The following GTF2F2 variants were observed in gnomAD, a reference collection of about 807,000 sequenced individuals.
GTF2F2 encodes the protein general transcription factor IIF subunit 2, also known as ATP-dependent helicase GTF2F2.
A neutral mutation model predicts 42.2 loss-of-function variants in GTF2F2; 23 were observed. The ratio of observed to expected loss-of-function variants is 0.55; its 90% confidence interval spans 0.39 to 0.77. The LOEUF (loss-of-function observed/expected upper bound fraction) is 0.77. Ranked by LOEUF, GTF2F2 falls within the 30% of genes least tolerant of loss-of-function variation. The probability of loss-of-function intolerance (pLI) is 0.00; values close to 1 mark genes in which losing one functional copy is unlikely to be tolerated. For missense variants in GTF2F2, 261 were observed against 287.2 expected, an observed-to-expected ratio of 0.91 and a Z score of 0.66; for synonymous variants, 105 against 100.8, an observed-to-expected ratio of 1.04 and a Z score of -0.25.
chr13:45,243,721 C>T (rs1875442987), intron 5 of GTF2F2, among the ~76,000 whole-genome samples: 1 of 152,106 alleles, frequency 6.6e-6, no homozygotes. Flanking sequence ...AGTGCAGTGG[C>T]ACAATCTTGG....
intron 7 of GTF2F2, among the ~76,000 whole-genome samples, chr13:45,278,041 T>C (rs993704868): frequency 1.3e-5 from 2 of 152,264 alleles, no homozygotes; most frequent in Admixed American, 1.3e-4. Context: ...TTTATTATTA[T>C]GCTTATCACT....
At chr13:45,222,087 C>T (rs989211537) in intron 5 of GTF2F2, among the ~76,000 whole-genome samples, 1 of 152,152 alleles carries the variant, frequency 6.6e-6, no homozygotes, top group Non-Finnish European at 1.5e-5. Context: ...TATGACATTA[C>T]TCAGGTTTAT....
At chr13:45,211,063 C>T (rs1031690977) in intron 5 of GTF2F2, among the ~76,000 whole-genome samples, 1 of 152,134 alleles carries the variant, frequency 6.6e-6, no homozygotes, top group African/African-American at 2.4e-5. Context: ...ATGGGAGATT[C>T]TTCTGGTTGG....
intron 5 of GTF2F2, among the ~76,000 whole-genome samples, chr13:45,243,952 C>A (rs961797910): frequency 2.4e-4 from 36 of 152,200 alleles, no homozygotes; most frequent in African/African-American, 8.4e-4. Context: ...TGAGCCACTG[C>A]GCCCTGCCAG....
Position 45,246,018 on chromosome 13 carries a change from T to A in GTF2F2, c.387-6853T>A, listed in dbSNP as rs553187005. Among the ~76,000 whole-genome samples the A allele has an allele frequency of 5.7e-3, 114 of 20,080 alleles. 1 individual carries two copies. Among genetic ancestry groups the A allele is most frequent in the African/African-American group, 0.024 (99 of 4,108 alleles). 13.2% of individuals were successfully genotyped at this position (20,080 alleles called of 152,430 possible). On this transcript the variant is annotated intron_variant, in intron 5 of 7. Coordinates refer to ENST00000340473, the MANE Select transcript of GTF2F2 (RefSeq NM_004128.3). ...TATTTATTTATTTATTTATTTATTTTATTTATTTTGAGACGGAGCTCGCTC... is the reference window on the plus strand; with the variant it reads ...TATTTATTTATTTATTTATTTATTTAATTTATTTTGAGACGGAGCTCGCTC...
intron 2 of GTF2F2, among the ~76,000 whole-genome samples, chr13:45,142,838 A>C (rs995951402): frequency 2.0e-5 from 3 of 152,016 alleles, no homozygotes; most frequent in Non-Finnish European, 4.4e-5. Context: ...GGAATGTCTT[A>C]CAGTGCATGT....
intron 5 of GTF2F2, 59 bp downstream of exon 5, chr13:45,207,564 G>GT: frequency 9.9e-7 from 1 of 1,007,444 alleles, no homozygotes; most frequent in Non-Finnish European, 1.6e-6. Flanking sequence ...ATTGAGATAC[G>GT]TGTGTTATAT....
chr13:45,159,787 A>G (rs975668220), intron 4 of GTF2F2, among the ~76,000 whole-genome samples: 5 of 152,010 alleles, frequency 3.3e-5, no homozygotes, highest in African/African-American at 1.2e-4. Context: ...TTTCATTTTT[A>G]AGTTGGATTG....
intron 4 of GTF2F2, among the ~76,000 whole-genome samples, chr13:45,205,584 A>G (rs1248102553): frequency 2.0e-5 from 3 of 152,210 alleles, no homozygotes; most frequent in Admixed American, 6.5e-5. Context: ...CAGTGGCACT[A>G]TCTTGGCTCA....
rs373308841 is a variant in GTF2F2 at position 45,266,512 on chromosome 13, C to T, written c.487-721C>T. ...ATAATCTGCCTGCCTCCAAGAACCCCACATTTGAAAGATGTTACCTATGAA... is the reference window on the plus strand; with the variant it reads ...ATAATCTGCCTGCCTCCAAGAACCCTACATTTGAAAGATGTTACCTATGAA... On this transcript the variant is annotated intron_variant, in intron 6 of 7. Coordinates refer to ENST00000340473, the MANE Select transcript of GTF2F2 (RefSeq NM_004128.3). 2.0e-4 allele frequency among the ~76,000 whole-genome samples: 30 copies of T among 152,222 alleles called. 1 individual carries two copies. The highest frequency in any genetic ancestry group is 1.5e-3 in the East Asian group (8 of 5,174).
At chr13:45,282,794 C>T (rs1018500311) in intron 7 of GTF2F2, among the ~76,000 whole-genome samples, 1 of 152,184 alleles carries the variant, frequency 6.6e-6, no homozygotes, top group African/African-American at 2.4e-5. Context: ...CGTGAGCCAC[C>T]AAGCCCGGCC....
In GTF2F2 at chr13:45,284,116, C is replaced by G. The variant is rs767956555; in HGVS notation, c.*555C>G. ...GAGTTTGTAGTGAAATGGCAGTGTTCATCATTGGCTTATTTTACCGTAGTG... is the reference window on the plus strand; with the variant it reads ...GAGTTTGTAGTGAAATGGCAGTGTTGATCATTGGCTTATTTTACCGTAGTG... On this transcript the variant is annotated 3_prime_UTR_variant, in exon 8 of 8. Transcript: ENST00000340473. 1 of 152,146 alleles carries G rather than the reference C, an allele frequency of 6.6e-6. No homozygotes were observed. Among genetic ancestry groups the G allele is most frequent in the African/African-American group, 2.4e-5 (1 of 41,424 alleles). 9.4% of individuals were successfully genotyped at this position (152,146 alleles called of 1,614,324 possible). A position where few individuals can be genotyped will look rare whatever the true frequency, so the allele number is the denominator to read the frequency against.
chr13:45,147,356 A>G (rs529521730), intron 2 of GTF2F2, among the ~76,000 whole-genome samples: 28 of 152,172 alleles, frequency 1.8e-4, no homozygotes, highest in Non-Finnish European at 3.5e-4. Context: ...TGTCTTCTGC[A>G]TCTTTTCGTT....
chr13:45,207,863 A>G (rs1397975273), intron 5 of GTF2F2, among the ~76,000 whole-genome samples: 1 of 152,148 alleles, frequency 6.6e-6, no homozygotes, highest in Non-Finnish European at 1.5e-5. Flanking sequence ...TGTATCCGAA[A>G]TACTGTAACT....
intron 1 of GTF2F2, among the ~76,000 whole-genome samples, chr13:45,127,258 G>T (rs1400460978): frequency 6.6e-6 from 1 of 152,058 alleles, no homozygotes; most frequent in Non-Finnish European, 1.5e-5. Flanking sequence ...TTATAATAAT[G>T]AAGACAGTGC....
At chr13:45,184,943 CT>C (rs1872345517) in intron 4 of GTF2F2, among the ~76,000 whole-genome samples, 1 of 152,120 alleles carries the variant, frequency 6.6e-6, no homozygotes, top group Admixed American at 6.5e-5. Context: ...TCCTGAGTAG[CT>C]GGAACTATAG....
At chr13:45,204,018 T>G (rs1873318623) in intron 4 of GTF2F2, among the ~76,000 whole-genome samples, 1 of 152,160 alleles carries the variant, frequency 6.6e-6, no homozygotes, top group Non-Finnish European at 1.5e-5. Context: ...ATTTTTTCAC[T>G]CTCATTCTCT....
In GTF2F2 at chr13:45,187,026, A is replaced by G. The variant is rs977551336; in HGVS notation, c.305-20398A>G. Among the ~76,000 whole-genome samples, 11 of 152,306 alleles carry G rather than the reference A, an allele frequency of 7.2e-5. No individual in the cohort carries two copies. In the South Asian group the frequency reaches 1.0e-3, roughly 14 times the overall value. On this transcript the variant is annotated intron_variant, in intron 4 of 7. Coordinates refer to ENST00000340473, the MANE Select transcript of GTF2F2 (RefSeq NM_004128.3). ...ATATTCTGGAATTATGGTTTTGGAA[A>G]AACCTGTCATGGTTTTAGGTTAAAT...
intron 4 of GTF2F2, among the ~76,000 whole-genome samples, chr13:45,165,312 T>C: frequency 7.3e-6 from 1 of 136,470 alleles, no homozygotes; most frequent in African/African-American, 2.7e-5. Flanking sequence ...ATATCTAAAA[T>C]ATATATATAT....
Sources: gnomAD v4.1 joint callset for allele counts (sites outside exome capture counted in the v4.1 genomes callset) on GRCh38, gnomAD v4.1.1 for gene constraint, MANE v1.5 for transcripts, NCBI Gene and HGNC (gene_info 2026-07-23, HGNC 2026-07-21) for gene names.